CACNA1H: variants seen among roughly 807,000 people sequenced by gnomAD.
The protein encoded by CACNA1H is voltage-dependent T-type calcium channel subunit alpha-1H.
Under a neutral mutation model 192.5 loss-of-function variants are expected in CACNA1H, and 149 were observed. The observed-to-expected ratio is 0.77, with a 90% CI of 0.68 to 0.89. The LOEUF (loss-of-function observed/expected upper bound fraction) is 0.89. Ranked by LOEUF, CACNA1H falls within the 40% of genes least tolerant of loss-of-function variation. The probability of loss-of-function intolerance (pLI) is 0.00; values close to 1 mark genes in which losing one functional copy is unlikely to be tolerated. For missense variants in CACNA1H, 4,257 were observed against 3,423.5 expected, an observed-to-expected ratio of 1.24 and a Z score of -6.08; for synonymous variants, 2,202 against 1,475.2, an observed-to-expected ratio of 1.49 and a Z score of -11.29.
At chr16:1,193,428 G>A (rs920670296) in intron 2 of CACNA1H, among the ~76,000 whole-genome samples, 1 of 152,232 alleles carries the variant, frequency 6.6e-6, no homozygotes, top group South Asian at 2.1e-4. Flanking sequence ...ACCAAGGCAC[G>A]CAAACCCCAC....
chr16:1,217,352 A>G (rs1041796104), intron 31 of CACNA1H, among the ~76,000 whole-genome samples: 2 of 152,216 alleles, frequency 1.3e-5, no homozygotes, highest in African/African-American at 2.4e-5. Context: ...CCAACGTCAC[A>G]TGGTCCCAGG....
At chr16:1,198,503 T>G in intron 5 of CACNA1H, 112 bp from the exon 6 acceptor site, 1 of 1,177,148 alleles carries the variant, frequency 8.5e-7, no homozygotes, top group Non-Finnish European at 1.2e-6. Context: ...GCAGTGGGCG[T>G]GGACACCCAC....
At chr16:1,194,201 G>T (rs8053994) in intron 2 of CACNA1H, among the ~76,000 whole-genome samples, 1 of 151,926 alleles carries the variant, frequency 6.6e-6, no homozygotes, top group Non-Finnish European at 1.5e-5. Flanking sequence ...AATCAGCTGT[G>T]AGAGGATGCC....
At chr16:1,173,474 T>C (rs1346249112) in intron 2 of CACNA1H, among the ~76,000 whole-genome samples, 1 of 152,268 alleles carries the variant, frequency 6.6e-6, no homozygotes. Flanking sequence ...CGCTATTTAC[T>C]TTTTTAGTAT....
At chr16:1,184,721 C>G (rs1965808854) in intron 2 of CACNA1H, among the ~76,000 whole-genome samples, 1 of 152,354 alleles carries the variant, frequency 6.6e-6, no homozygotes, top group Non-Finnish European at 1.5e-5. Context: ...GACACCCCCA[C>G]CAACCTATGC....
chr16:1,160,023 G>C (rs1346429367), intron 2 of CACNA1H: 1 of 152,408 alleles, frequency 6.6e-6, no homozygotes, highest in African/African-American at 2.4e-5. Flanking sequence ...GGAGGAATGC[G>C]GGGGAGGGGC....
At chr16:1,177,324 A>G (rs937802703) in intron 2 of CACNA1H, among the ~76,000 whole-genome samples, 3 of 151,824 alleles carry the variant, frequency 2.0e-5, no homozygotes, top group Non-Finnish European at 2.9e-5. Context: ...ACATTTACAC[A>G]CTGCAGCCGC....
At position 1,213,664 on chromosome 16, in the gene CACNA1H, C is replaced by T. The variant is rs1411733202; in HGVS notation, c.4778-116C>T. 14 of 689,544 alleles carry T rather than the reference C, an allele frequency of 2.0e-5. No homozygotes were observed. The East Asian group carries it at 2.5e-4, about 12-fold the overall frequency. The allele number at this position is 689,544 out of a possible 1,614,324, so 42.7% of individuals were successfully genotyped here. ...GGGCCAGCCCCATCTTCACATGAGC[C>T]GTGGGCCCCCAACTTCTACCCTACA... On this transcript the variant is annotated intron_variant, in intron 26 of 34. Coordinates refer to ENST00000348261, the MANE Select transcript of CACNA1H (RefSeq NM_021098.3).
intron 2 of CACNA1H, among the ~76,000 whole-genome samples, chr16:1,156,635 C>T (rs1176964352): frequency 6.6e-6 from 1 of 152,108 alleles, no homozygotes; most frequent in Non-Finnish European, 1.5e-5. Flanking sequence ...GGCCCCGCAT[C>T]CCTCCTGAAG....
intron 8 of CACNA1H, 75 bp downstream of exon 8, chr16:1,200,883 T>G (rs1967789401): frequency 1.9e-6 from 2 of 1,052,922 alleles, no homozygotes; most frequent in Non-Finnish European, 2.7e-6. Context: ...GGTACCTGGG[T>G]GGTCATAGGG....
In CACNA1H at chr16:1,167,511, C is replaced by T. The variant is rs1037147431; in HGVS notation, c.299+13475C>T. On this transcript the variant is annotated intron_variant, in intron 2 of 34. Coordinates refer to ENST00000348261, the MANE Select transcript of CACNA1H (RefSeq NM_021098.3). The surrounding 1 kb of genome is among the most constrained non-coding windows in gnomAD (Gnocchi z 4.2). The stretch of plus-strand genomic sequence containing the variant: ...GTGCGGTTGCCATGGGAACCTGTTG[C>T]TAATGAATCTCTGGGGTTTCCTGTT... Among the ~76,000 whole-genome samples the T allele has an allele frequency of 2.6e-5, 4 of 152,164 alleles. No individual in the cohort carries two copies. The highest frequency in any genetic ancestry group is 7.2e-5 in the African/African-American group (3 of 41,434).
chr16:1,170,632 G>T (rs1964275342), intron 2 of CACNA1H, among the ~76,000 whole-genome samples: 1 of 152,190 alleles, frequency 6.6e-6, no homozygotes, highest in Non-Finnish European at 1.5e-5. Flanking sequence ...AGCCTGGTCG[G>T]CATCCTGATT....
intron 30 of CACNA1H, 36 bp downstream of exon 30, chr16:1,215,629 C>T (rs745954066): frequency 6.3e-7 from 1 of 1,578,606 alleles, no homozygotes; most frequent in East Asian, 2.3e-5. Flanking sequence ...GCGCAGGCCC[C>T]CGGAAGACGG....
rs1385962486 is a variant in CACNA1H, at chr16:1,212,273, G to A, written c.4759+135G>A. ...ACCCGCCTTGCCTGGGCCTGCATGG[G>A]GGCTGGGCCTTGGAGGGGCTGGCCC... On this transcript the variant is annotated intron_variant, in intron 25 of 34. Transcript: ENST00000348261. 4 of 1,345,960 alleles carry A rather than the reference G, an allele frequency of 3.0e-6. No homozygotes were observed. In the African/African-American group the frequency reaches 4.4e-5, roughly 15 times the overall value. The allele number at this position is 1,345,960 out of a possible 1,614,324, so 83.4% of individuals were successfully genotyped here.
At chr16:1,171,385 A>G (rs913251426) in intron 2 of CACNA1H, among the ~76,000 whole-genome samples, 2 of 152,098 alleles carry the variant, frequency 1.3e-5, no homozygotes, top group Non-Finnish European at 2.9e-5. Context: ...GGCTTTCCTT[A>G]GAAAGTCACT....
intron 2 of CACNA1H, among the ~76,000 whole-genome samples, chr16:1,181,497 C>T (rs1269716339): frequency 1.3e-5 from 2 of 152,234 alleles, no homozygotes; most frequent in Admixed American, 6.5e-5. Flanking sequence ...TGTGGCTGCA[C>T]GCTGCCACCA....
At chr16:1,207,221 T>G (rs1336088285) in intron 13 of CACNA1H, 54 bp from the exon 14 acceptor site, 1 of 1,560,606 alleles carries the variant, frequency 6.4e-7, no homozygotes, top group Non-Finnish European at 8.7e-7. Context: ...CCCCAAGGAC[T>G]TGCCGGCATT....
intron 2 of CACNA1H, among the ~76,000 whole-genome samples, chr16:1,170,164 T>A (rs1375055399): frequency 6.6e-6 from 1 of 152,038 alleles, no homozygotes; most frequent in Non-Finnish European, 1.5e-5. Flanking sequence ...GCCTGACCTC[T>A]GCACCCTGAC....
intron 2 of CACNA1H, among the ~76,000 whole-genome samples, chr16:1,188,230 CTGA>C (rs1402135981): frequency 6.6e-6 from 1 of 152,166 alleles, no homozygotes; most frequent in Non-Finnish European, 1.5e-5. Flanking sequence ...GTCCTGGGAG[CTGA>C]TGTTACCTGG....
Sources: gnomAD v4.1 joint callset for allele counts (sites outside exome capture counted in the v4.1 genomes callset) on GRCh38, gnomAD v4.1.1 for gene constraint, Gnocchi (gnomAD v3.1) non-coding constraint, MANE v1.5 for transcripts, NCBI Gene and HGNC (gene_info 2026-07-23, HGNC 2026-07-21) for gene names.